The following MIPOL1 variants were observed in gnomAD, a reference collection of about 807,000 sequenced individuals.
MIPOL1 encodes the protein mirror-image polydactyly 1.
Under a neutral mutation model 60.9 loss-of-function variants are expected in MIPOL1, and 57 were observed. That is an observed-to-expected ratio of 0.94 (90% CI 0.76 to 1.17). The LOEUF is 1.17. Ranked by LOEUF, MIPOL1 falls within the 50% of genes most tolerant of loss-of-function variation. MIPOL1 has a pLI of 0.00. For missense variants in MIPOL1, 551 were observed against 511.6 expected (o/e 1.08, Z -0.74); for synonymous variants, 179 against 168.8 (o/e 1.06, Z -0.47).
intron 12 of MIPOL1, among the ~76,000 whole-genome samples, chr14:37,530,186 T>C (rs1000543051): frequency 3.3e-5 from 5 of 152,178 alleles, no homozygotes; most frequent in African/African-American, 1.2e-4. Context: ...ACCAACTAGA[T>C]GTGAAGGGTA....
At position 37,383,093 on chromosome 14, in the gene MIPOL1, A is replaced by T. The variant is rs572441587; in HGVS notation, c.936+13469A>T. 2.6e-5 allele frequency among the ~76,000 whole-genome samples: 4 copies of T among 151,824 alleles called. No individual in the cohort carries two copies. The South Asian group carries it at 6.2e-4, about 24-fold the overall frequency. The stretch of plus-strand genomic sequence containing the variant: ...TTTTCTTTAGAAAATGTTAACTTTG[A>T]ATCGTGTACAACCATAATCGTATCT... On this transcript the variant is annotated intron_variant, in intron 10 of 12. Coordinates refer to ENST00000684589, the MANE Select transcript of MIPOL1 (RefSeq NM_001388067.1).
chr14:37,256,245 G>C (rs1170679495), intron 3 of MIPOL1, among the ~76,000 whole-genome samples: 3 of 151,742 alleles, frequency 2.0e-5, no homozygotes, highest in Non-Finnish European at 4.4e-5. Context: ...ATTAGGGTAG[G>C]TATGGTTCAT....
chr14:37,295,682 C>A (rs2085581893), intron 7 of MIPOL1, among the ~76,000 whole-genome samples: 1 of 152,028 alleles, frequency 6.6e-6, no homozygotes, highest in African/African-American at 2.4e-5. Context: ...GACTTTAAAC[C>A]AACAAAGATC....
chr14:37,459,442 T>C lies in MIPOL1; in HGVS notation c.1031+36493T>C, dbSNP rs143910528. 1.0e-3 allele frequency among the ~76,000 whole-genome samples: 155 copies of C among 152,176 alleles called. 1 individual carries two copies. Among genetic ancestry groups the C allele is most frequent in the African/African-American group, 3.4e-3 (141 of 41,536 alleles). On this transcript the variant is annotated intron_variant, in intron 11 of 12. Coordinates refer to ENST00000684589, the MANE Select transcript of MIPOL1 (RefSeq NM_001388067.1). ...GGAAATGGATATATTCCTGGAAACA[T>C]ACAACCTCCCCAGATTGAACCACGA... is the stretch of plus-strand genomic sequence containing the variant.
intron 7 of MIPOL1, among the ~76,000 whole-genome samples, chr14:37,286,148 A>C (rs540302981): frequency 6.6e-6 from 1 of 151,914 alleles, no homozygotes; most frequent in African/African-American, 2.4e-5. Context: ...CCTGTTCTTT[A>C]CTGCTTTTTA....
At chr14:37,293,530 G>A (rs993427823) in intron 7 of MIPOL1, among the ~76,000 whole-genome samples, 2 of 152,188 alleles carry the variant, frequency 1.3e-5, no homozygotes, top group African/African-American at 2.4e-5. Context: ...CCCGGGAAGC[G>A]CAAGGGGTCA....
Position 37,449,247 on chromosome 14 carries a change from A to C in MIPOL1, c.1031+26298A>C, listed in dbSNP as rs575577296. On this transcript the variant is annotated intron_variant, in intron 11 of 12. Transcript: ENST00000684589. ...AGTTCTGCAGTTGATATTACCATTA[A>C]AAAAAAATGGAAGAAATCTTTGGCA... 4.6e-5 allele frequency among the ~76,000 whole-genome samples: 7 copies of C among 151,086 alleles called. No homozygotes were observed. In the East Asian group the frequency reaches 9.7e-4, roughly 21 times the overall value.
At position 37,429,254 on chromosome 14, in the gene MIPOL1, A is replaced by G. The variant is rs192777754; in HGVS notation, c.1031+6305A>G. On this transcript the variant is annotated intron_variant, in intron 11 of 12. Transcript: ENST00000684589. ...GGAATGCCTGTTTCGATGTTTGCTGATTTTATAGTGCTTCCTTATATTTTC... is the reference window on the plus strand; with the variant it reads ...GGAATGCCTGTTTCGATGTTTGCTGGTTTTATAGTGCTTCCTTATATTTTC... Among the ~76,000 whole-genome samples the G allele has an allele frequency of 3.1e-3, 466 of 152,232 alleles. 4 individuals are homozygous for G. The highest frequency in any genetic ancestry group is 0.011 in the African/African-American group (447 of 41,556).
intron 7 of MIPOL1, among the ~76,000 whole-genome samples, chr14:37,286,131 CCCTGTT>C (rs1317535881): frequency 6.6e-6 from 1 of 152,068 alleles, no homozygotes; most frequent in Admixed American, 6.6e-5. Flanking sequence ...TGCTTAATAT[CCCTGTT>C]CCTGTTCTTT....
intron 1 of MIPOL1, among the ~76,000 whole-genome samples, chr14:37,228,328 T>TC (rs1170955841): frequency 9.0e-5 from 13 of 143,718 alleles, no homozygotes; most frequent in South Asian, 2.1e-4. Context: ...TTCTTTTCTT[T>TC]TTTTTTTTTT....
At chr14:37,334,638 T>C (rs1280391907) in intron 9 of MIPOL1, among the ~76,000 whole-genome samples, 1 of 151,972 alleles carries the variant, frequency 6.6e-6, no homozygotes, top group African/African-American at 2.4e-5. Context: ...AGAACCCCTG[T>C]ACCCATTAAT....
intron 12 of MIPOL1, among the ~76,000 whole-genome samples, chr14:37,534,793 T>C (rs986178101): frequency 1.3e-5 from 2 of 152,182 alleles, no homozygotes; most frequent in African/African-American, 2.4e-5. Flanking sequence ...ACTTTCCTAA[T>C]AGTATCATCT....
intron 7 of MIPOL1, among the ~76,000 whole-genome samples, chr14:37,290,091 T>G (rs1413652486): frequency 6.6e-6 from 1 of 152,236 alleles, no homozygotes; most frequent in Non-Finnish European, 1.5e-5. Context: ...TTCAAATTTT[T>G]TGTGAATATA....
Position 37,500,056 on chromosome 14 carries a change from G to T in MIPOL1, c.1180G>T (p.Ala394Ser). 1 of 1,613,920 alleles carries T rather than the reference G, an allele frequency of 6.2e-7. No individual in the cohort carries two copies. The highest frequency in any genetic ancestry group is 8.5e-7 in the Non-Finnish European group (1 of 1,179,878). ...NEELATQLQQALTERANMELQ... is the reference protein window; with the variant it reads ...NEELATQLQQSLTERANMELQ... Reference sequence around the variant, plus strand: ...GGAACTGGCTACTCAACTGCAACAAGCTCTGACAGAGCGAGCAAATATGGA... The same window carrying T: ...GGAACTGGCTACTCAACTGCAACAATCTCTGACAGAGCGAGCAAATATGGA... Residue 394 changes from alanine (A) to serine (S), a missense_variant, in exon 12 of 13, where the codon GCT becomes TCT. Physicochemically the swap from Ala to Ser is moderately conservative, Grantham distance 99 (BLOSUM62 1). Transcript: ENST00000684589.
chr14:37,293,976 C>T lies in MIPOL1; in HGVS notation c.623+8529C>T, dbSNP rs537113501. 7.9e-5 allele frequency among the ~76,000 whole-genome samples: 12 copies of T among 152,304 alleles called. No homozygotes were observed. The South Asian group carries it at 8.3e-4, about 11-fold the overall frequency. On this transcript the variant is annotated intron_variant, in intron 7 of 12. Transcript: ENST00000684589. ...GAAGAGAGTAGTGGTTCTTCCAGCA[C>T]GCAGCTTGAGATCTGAGAACGGGCA... is the stretch of plus-strand genomic sequence containing the variant.
At chr14:37,228,336 T>C (rs1970079918) in intron 1 of MIPOL1, among the ~76,000 whole-genome samples, 1 of 150,564 alleles carries the variant, frequency 6.6e-6, no homozygotes, top group African/African-American at 2.4e-5. Flanking sequence ...TTTTTTTTTT[T>C]TTTTTTTTTT....
At position 37,268,692 on chromosome 14, in the gene MIPOL1, G is replaced by A. The variant is rs1220248249; in HGVS notation, c.286G>A (p.Glu96Lys). Residue 96 changes from glutamate (E) to lysine (K), a missense_variant, in exon 5 of 13, where the codon GAA (glutamate) becomes AAA (lysine). Physicochemically the swap from Glu to Lys is moderately conservative, Grantham distance 56 (BLOSUM62 1). Coordinates refer to ENST00000684589, the MANE Select transcript of MIPOL1 (RefSeq NM_001388067.1). ...MEHRHNDMHY[E>K]CMTPCQVTSD... ...ACATAGACATAATGATATGCATTAT[G>A]AATGTATGACTCCTTGTCAAGTTAC... 1.9e-6 allele frequency: 3 copies of A among 1,601,322 alleles called. No individual in the cohort carries two copies. Among genetic ancestry groups the A allele is most frequent in the East Asian group, 2.3e-5 (1 of 44,434 alleles).
intron 1 of MIPOL1, among the ~76,000 whole-genome samples, chr14:37,205,101 A>C (rs2139172257): frequency 6.6e-6 from 1 of 151,820 alleles, no homozygotes; most frequent in South Asian, 2.1e-4. Context: ...TGATGGAATA[A>C]GTTTTTTGTT....
intron 12 of MIPOL1, among the ~76,000 whole-genome samples, chr14:37,525,976 T>A (rs1197334028): frequency 2.0e-5 from 3 of 152,276 alleles, no homozygotes; most frequent in Non-Finnish European, 4.4e-5. Context: ...TATTCCTCAA[T>A]GATGGAGAGA....
Sources: allele counts gnomAD v4.1 joint callset (sites outside exome capture counted in the v4.1 genomes callset), GRCh38; gene constraint gnomAD v4.1.1; transcripts MANE v1.5; gene names NCBI Gene and HGNC (gene_info 2026-07-23, HGNC 2026-07-21).